Variants in GRM8 observed in about 807,000 individuals in gnomAD.
GRM8 encodes metabotropic glutamate receptor 8.
Under a neutral mutation model 87.2 loss-of-function variants are expected in GRM8, and 47 were observed. That is an observed-to-expected ratio of 0.54 (90% confidence interval 0.43 to 0.69). GRM8 has a LOEUF of 0.69. Ranked by LOEUF, GRM8 falls within the 30% of genes least tolerant of loss-of-function variation. The pLI, the probability that GRM8 is intolerant of heterozygous loss-of-function variation, is 0.00. For missense variants in GRM8, 1,019 were observed against 1,139.2 expected (o/e 0.89, Z 1.52); for synonymous variants, 396 against 404.5 (o/e 0.98, Z 0.25).
rs568709430 is a variant in GRM8, at chr7:126,925,495, A to T, written c.728-20812T>A. Among the ~76,000 whole-genome samples, 12 of 152,348 alleles carry T rather than the reference A, an allele frequency of 7.9e-5. No homozygotes were observed. The South Asian group carries it at 2.3e-3, about 29-fold the overall frequency. ...GGTATTTTTTACTTTTTTAATTGTT[A>T]AAACATCATTGTGGAGTAATAGTAC... On this transcript the variant is annotated intron_variant, in intron 3 of 10. Transcript: ENST00000339582.
In GRM8 at chr7:126,922,099, T is replaced by G. The variant is rs1804593214; in HGVS notation, c.728-17416A>C. 2.0e-5 allele frequency among the ~76,000 whole-genome samples: 3 copies of G among 152,280 alleles called. 1 individual carries two copies. The South Asian group carries it at 6.2e-4, about 32-fold the overall frequency. On this transcript the variant is annotated intron_variant, in intron 3 of 10. Coordinates refer to ENST00000339582, the MANE Select transcript of GRM8 (RefSeq NM_000845.3). ...GATATACTGAAAGGATATGTACAGT[T>G]CTGTCAAAGTTTGAGGATGAATTGA...
intron 8 of GRM8, among the ~76,000 whole-genome samples, chr7:126,587,516 T>C (rs190077607): frequency 1.3e-5 from 2 of 152,316 alleles, no homozygotes; most frequent in Admixed American, 1.3e-4. Flanking sequence ...GATGAGTTCA[T>C]GTTCTTTGTA....
At chr7:127,056,203 T>C (rs1819969451) in intron 3 of GRM8, among the ~76,000 whole-genome samples, 3 of 152,186 alleles carry the variant, frequency 2.0e-5, no homozygotes, top group South Asian at 2.1e-4. Context: ...GAAATGGCCA[T>C]AGATCATTCC....
At position 126,802,690 on chromosome 7, in the gene GRM8, A is replaced by T. The variant is rs559357683; in HGVS notation, c.1157-32625T>A. ...TTGGCCTTCCAGAATACTCCATCAGAACACATTATCCTAACCATGCCTATT... is the reference window on the plus strand; with the variant it reads ...TTGGCCTTCCAGAATACTCCATCAGTACACATTATCCTAACCATGCCTATT... On this transcript the variant is annotated intron_variant, in intron 6 of 10. Transcript: ENST00000339582. 3.9e-5 allele frequency among the ~76,000 whole-genome samples: 6 copies of T among 152,288 alleles called. No homozygotes were observed. The South Asian group carries it at 8.3e-4, about 21-fold the overall frequency.
chr7:127,044,352 CA>C, intron 3 of GRM8, among the ~76,000 whole-genome samples: 1 of 152,240 alleles, frequency 6.6e-6, no homozygotes, highest in South Asian at 2.1e-4. Flanking sequence ...CAAGGAAGAT[CA>C]ATCTGGGTGG....
chr7:126,756,872 C>T (rs1817067465), intron 7 of GRM8, among the ~76,000 whole-genome samples: 1 of 152,014 alleles, frequency 6.6e-6, no homozygotes, highest in South Asian at 2.1e-4. Context: ...ATTAAAACTG[C>T]TCTACAAAAT....
chr7:126,687,766 T>A (rs1337041727), intron 7 of GRM8, among the ~76,000 whole-genome samples: 1 of 151,820 alleles, frequency 6.6e-6, no homozygotes, highest in Non-Finnish European at 1.5e-5. Context: ...ATATTCTGTT[T>A]CCTTTAAATT....
chr7:126,968,869 G>A (rs2131745891), intron 3 of GRM8, among the ~76,000 whole-genome samples: 1 of 152,214 alleles, frequency 6.6e-6, no homozygotes, highest in Middle Eastern at 3.4e-3. Flanking sequence ...ATGTTAAATA[G>A]CTTGATTTAG....
At chr7:127,095,361 T>C (rs923097200) in intron 3 of GRM8, among the ~76,000 whole-genome samples, 2 of 152,124 alleles carry the variant, frequency 1.3e-5, no homozygotes, top group Admixed American at 1.3e-4. Flanking sequence ...AAATTAAAAT[T>C]GCTGCCAAGG....
chr7:126,467,067 C>T (rs547231616), intron 9 of GRM8, among the ~76,000 whole-genome samples: 14 of 152,014 alleles, frequency 9.2e-5, no homozygotes, highest in African/African-American at 3.4e-4. Flanking sequence ...CACAGGTATA[C>T]ACCTGCCATG....
intron 2 of GRM8, among the ~76,000 whole-genome samples, chr7:127,142,583 C>T (rs1210614816): frequency 2.6e-5 from 4 of 152,042 alleles, no homozygotes; most frequent in African/African-American, 4.8e-5. Flanking sequence ...TGAGAATGCA[C>T]TGTAAGCAAA....
At chr7:127,093,906 G>A (rs1223024377) in intron 3 of GRM8, among the ~76,000 whole-genome samples, 5 of 152,314 alleles carry the variant, frequency 3.3e-5, no homozygotes, top group Non-Finnish European at 4.4e-5. Context: ...ACCAACGGAC[G>A]TAACCCCTGA....
At chr7:126,639,160 G>A (rs1022800292) in intron 7 of GRM8, among the ~76,000 whole-genome samples, 1 of 152,146 alleles carries the variant, frequency 6.6e-6, no homozygotes, top group Non-Finnish European at 1.5e-5. Context: ...CACTTCCTTG[G>A]CATGCTCTTT....
chr7:126,885,589 C>G (rs1348231275), intron 6 of GRM8, among the ~76,000 whole-genome samples: 1 of 152,098 alleles, frequency 6.6e-6, no homozygotes, highest in Non-Finnish European at 1.5e-5. Context: ...CTTTTCACCC[C>G]AGCAGTGGAA....
At chr7:127,246,268 A>T (rs1288994000) in intron 1 of GRM8, among the ~76,000 whole-genome samples, 2 of 152,342 alleles carry the variant, frequency 1.3e-5, no homozygotes, top group African/African-American at 4.8e-5. Context: ...GCTTTAATCC[A>T]AGCTCATCCT....
chr7:126,571,883 G>A (rs549480536), intron 8 of GRM8, among the ~76,000 whole-genome samples: 18 of 152,062 alleles, frequency 1.2e-4, no homozygotes, highest in African/African-American at 4.3e-4. Flanking sequence ...TGGGATTACA[G>A]ATGCATGCCA....
intron 8 of GRM8, among the ~76,000 whole-genome samples, chr7:126,552,638 A>C (rs1384443265): frequency 6.6e-6 from 1 of 152,106 alleles, no homozygotes; most frequent in African/African-American, 2.4e-5. Context: ...ATAATGGCAA[A>C]ATTCCTAAGT....
chr7:126,528,685 T>C (rs1036918773), intron 9 of GRM8, among the ~76,000 whole-genome samples: 1 of 151,788 alleles, frequency 6.6e-6, no homozygotes, highest in African/African-American at 2.4e-5. Flanking sequence ...TTTCCTGCTT[T>C]TCCCCAGAAT....
intron 3 of GRM8, among the ~76,000 whole-genome samples, chr7:127,077,737 T>C (rs1822434436): frequency 2.0e-5 from 3 of 152,196 alleles, no homozygotes; most frequent in South Asian, 2.1e-4. Flanking sequence ...AGTTTTACCA[T>C]CTTCTTAACT....
Sources: allele counts gnomAD v4.1 joint callset (sites outside exome capture counted in the v4.1 genomes callset), GRCh38; gene constraint gnomAD v4.1.1; transcripts MANE v1.5; gene names NCBI Gene and HGNC (gene_info 2026-07-23, HGNC 2026-07-21).